The following TPP2 variants were observed in gnomAD, a reference collection of about 807,000 sequenced individuals.
TPP2 encodes tripeptidyl-peptidase 2.
In TPP2, 34 loss-of-function variants were observed where a neutral mutation model predicts 155.9. The ratio of observed to expected loss-of-function variants is 0.22; its 90% confidence interval spans 0.17 to 0.29. The LOEUF is 0.29. Among genes scored for constraint, TPP2 ranks in the 10% least tolerant of loss-of-function variants. The probability of loss-of-function intolerance (pLI) is 1.00; values close to 1 mark genes in which losing one functional copy is unlikely to be tolerated. For missense variants in TPP2, 1,028 were observed against 1,522.3 expected (o/e 0.68, Z 5.40); for synonymous variants, 510 against 529.4 (o/e 0.96, Z 0.50).
Position 102,663,708 on chromosome 13 carries a change from G to C in TPP2, c.3204G>C (p.Leu1068=). The change falls in exon 26 of 30, where the codon CTG becomes CTC. Residue 1068 remains leucine (L), a synonymous_variant. Transcript: ENST00000376052. ...LKETYPNYLP[L]YVARLHQLDA... Reference sequence around the variant, plus strand: ...AAACATATCCTAATTATCTTCCTCTGTACGTTGCACGACTTCATCAATTGG... The same window carrying C: ...AAACATATCCTAATTATCTTCCTCTCTACGTTGCACGACTTCATCAATTGG... 6.2e-7 allele frequency: 1 copy of C among 1,606,860 alleles called. No individual in the cohort carries two copies. Among genetic ancestry groups the C allele is most frequent in the South Asian group, 1.1e-5 (1 of 89,080 alleles).
In TPP2 at chr13:102,657,108, A is replaced by G; in HGVS notation, c.3044A>G (p.Asn1015Ser). Residue 1015 changes from asparagine to serine, a missense_variant, in exon 25 of 30, where the codon AAT becomes AGT. Asn to Ser is a conservative substitution (Grantham distance 46). Transcript: ENST00000376052. ...ATACCTCCACCAACAAAGACTAAGA[A>G]TGGCAGCAAAGATAAGGAAAAAGAT... Reference protein sequence around the residue: ...YLIPPPTKTKNGSKDKEKDSE... With the variant: ...YLIPPPTKTKSGSKDKEKDSE... The G allele has an allele frequency of 6.3e-7, 1 of 1,590,130 alleles. No homozygotes were observed. The highest frequency in any genetic ancestry group is 8.5e-7 in the Non-Finnish European group (1 of 1,171,964).
At chr13:102,641,581 T>C (rs1407718751) in intron 16 of TPP2, among the ~76,000 whole-genome samples, 1 of 152,152 alleles carries the variant, frequency 6.6e-6, no homozygotes, top group Non-Finnish European at 1.5e-5. Flanking sequence ...TGGGAATAAC[T>C]GGTTGTATTT....
chr13:102,616,875 T>G (rs1419208089), intron 4 of TPP2, among the ~76,000 whole-genome samples: 1 of 152,094 alleles, frequency 6.6e-6, no homozygotes, highest in Non-Finnish European at 1.5e-5. Flanking sequence ...TTTTGATTTG[T>G]GTAAAATGGA....
chr13:102,669,041 G>C (rs1884798515), intron 27 of TPP2, among the ~76,000 whole-genome samples: 1 of 152,182 alleles, frequency 6.6e-6, no homozygotes, highest in Admixed American at 6.5e-5. Flanking sequence ...GTGAACACAA[G>C]CATGTCTTCT....
At chr13:102,662,063 C>T (rs1884264561) in intron 25 of TPP2, among the ~76,000 whole-genome samples, 1 of 152,176 alleles carries the variant, frequency 6.6e-6, no homozygotes, top group Non-Finnish European at 1.5e-5. Flanking sequence ...TGTATCCATA[C>T]AGGGGATTCC....
chr13:102,628,068 A>T (rs1881768109), intron 8 of TPP2, 144 bp downstream of exon 8: 4 of 667,432 alleles, frequency 6.0e-6, no homozygotes, highest in Non-Finnish European at 1.0e-5. Flanking sequence ...GAGGACTTTC[A>T]TCCTCTTGAA....
At chr13:102,636,075 C>T in intron 12 of TPP2, 149 bp from the exon 13 acceptor site, 3 of 685,132 alleles carry the variant, frequency 4.4e-6, no homozygotes, top group Non-Finnish European at 7.1e-6. Flanking sequence ...TAGAATTGTC[C>T]TCTTAGTTGG....
intron 18 of TPP2, 87 bp downstream of exon 18, chr13:102,644,760 T>G: frequency 7.0e-7 from 1 of 1,424,212 alleles, no homozygotes; most frequent in Non-Finnish European, 9.7e-7. Flanking sequence ...TAAACTTTAA[T>G]GAGGGGAAAT....
At chr13:102,601,188 A>G (rs1362221314) in intron 1 of TPP2, among the ~76,000 whole-genome samples, 1 of 152,226 alleles carries the variant, frequency 6.6e-6, no homozygotes, top group Non-Finnish European at 1.5e-5. Context: ...TAACCTTTAC[A>G]AAAGCAAAGA....
rs1882032962 is a variant in TPP2 at position 102,631,731 on chromosome 13, G to GA, written c.1244+1538dup. On this transcript the variant is annotated intron_variant, in intron 10 of 29. Coordinates refer to ENST00000376052, the MANE Select transcript of TPP2 (RefSeq NM_001330588.2). Reference sequence around the variant, plus strand: ...TCACAAAGCAGATGTTCTAAGAATTGAATTTGTTTCATTTTTCATAAACAT... The same window carrying GA: ...TCACAAAGCAGATGTTCTAAGAATTGAAATTTGTTTCATTTTTCATAAACAT... 2.0e-5 allele frequency among the ~76,000 whole-genome samples: 3 copies of GA among 152,230 alleles called. No individual in the cohort carries two copies. The South Asian group carries it at 6.2e-4, about 32-fold the overall frequency.
intron 4 of TPP2, among the ~76,000 whole-genome samples, chr13:102,617,443 A>G (rs761152658): frequency 7.9e-5 from 12 of 152,160 alleles, no homozygotes; most frequent in Non-Finnish European, 1.2e-4. Context: ...ATCCCCTGAT[A>G]ATTCTGATTT....
chr13:102,604,996 C>T, intron 2 of TPP2, 75 bp downstream of exon 2: 1 of 1,581,512 alleles, frequency 6.3e-7, no homozygotes, highest in Non-Finnish European at 8.6e-7. Flanking sequence ...TTTTACCTTA[C>T]ATTTGGTGGT....
At chr13:102,613,763 A>C (rs1037788403) in intron 2 of TPP2, among the ~76,000 whole-genome samples, 4 of 152,190 alleles carry the variant, frequency 2.6e-5, no homozygotes, top group African/African-American at 7.2e-5. Flanking sequence ...GCTCTACTAA[A>C]AGTTTAAAGT....
rs572225553 is a variant in TPP2 at position 102,599,996 on chromosome 13, A to AG, written c.165+2793_165+2794insG. ...TAGAGTTAGATTCCTTAAAAAAAAA[A>AG]AAAAACCTTGTATTATACCCTCATT... On this transcript the variant is annotated intron_variant, in intron 1 of 29. Transcript: ENST00000376052. 5.4e-4 allele frequency among the ~76,000 whole-genome samples: 82 copies of AG among 152,242 alleles called. 1 individual carries two copies. The South Asian group carries it at 0.012, about 22-fold the overall frequency.
chr13:102,651,986 A>T (rs1883523127), intron 24 of TPP2, among the ~76,000 whole-genome samples: 1 of 152,204 alleles, frequency 6.6e-6, no homozygotes, highest in Non-Finnish European at 1.5e-5. Flanking sequence ...GCCCATCGCT[A>T]CTAAGTGGTC....
intron 27 of TPP2, among the ~76,000 whole-genome samples, chr13:102,667,434 T>G (rs598646): frequency 0.82 from 124,088 of 152,172 alleles, 51,045 homozygotes; most frequent in African/African-American, 0.9. Context: ...TCTACTCTTA[T>G]GAAACTTATC....
chr13:102,626,729 G>T (rs539275297), intron 6 of TPP2, among the ~76,000 whole-genome samples: 2 of 152,254 alleles, frequency 1.3e-5, no homozygotes, highest in South Asian at 4.1e-4. Flanking sequence ...TTTGCCCTTT[G>T]GGTATCTTCT....
intron 16 of TPP2, 75 bp from the exon 17 acceptor site, chr13:102,643,147 G>T: frequency 1.4e-6 from 2 of 1,389,668 alleles, no homozygotes; most frequent in Non-Finnish European, 1.9e-6. Flanking sequence ...CCCTAAGTGG[G>T]CATTATTAAA....
At chr13:102,638,003 C>G (rs1206261103) in intron 14 of TPP2, among the ~76,000 whole-genome samples, 1 of 152,178 alleles carries the variant, frequency 6.6e-6, no homozygotes, top group Non-Finnish European at 1.5e-5. Flanking sequence ...AATTAAAATG[C>G]ACTTATTTTG....
Sources: allele counts gnomAD v4.1 joint callset (sites outside exome capture counted in the v4.1 genomes callset), GRCh38; gene constraint gnomAD v4.1.1; transcripts MANE v1.5; gene names NCBI Gene and HGNC (gene_info 2026-07-23, HGNC 2026-07-21).